Variants in HDAC9 observed in about 807,000 individuals in gnomAD.
The protein encoded by HDAC9 is MEF-2 interacting transcription repressor (MITR) protein.
A neutral mutation model predicts 139.4 loss-of-function variants in HDAC9; 41 were observed. That is an observed-to-expected ratio of 0.29 (90% CI 0.23 to 0.38). The LOEUF (loss-of-function observed/expected upper bound fraction) is 0.38. Ranked by LOEUF, HDAC9 falls within the 10% of genes least tolerant of loss-of-function variation. The probability of loss-of-function intolerance (pLI) is 1.00; values close to 1 mark genes in which losing one functional copy is unlikely to be tolerated. For synonymous variants in HDAC9, 517 were observed against 476.2 expected (o/e 1.09, Z -1.12); for missense variants, 1,147 against 1,297.0 (o/e 0.88, Z 1.78).
Position 18,938,850 on chromosome 7 carries a change from CAGAA to C in HDAC9, c.2937+2913_2937+2916del, listed in dbSNP as rs577992737. 2.0e-3 allele frequency among the ~76,000 whole-genome samples: 300 copies of C among 152,288 alleles called. 2 individuals carry two copies. The highest frequency in any genetic ancestry group is 7.0e-3 in the African/African-American group (292 of 41,558). On this transcript the variant is annotated intron_variant, in intron 23 of 25. Coordinates refer to ENST00000686413, the MANE Select transcript of HDAC9 (RefSeq NM_178425.4). ...GGGAATTTAATTGGAGACCAGAACGCAGAAAGAATGACAATGATGTCACCTGATT... is the reference window on the plus strand; with the variant it reads ...GGGAATTTAATTGGAGACCAGAACGCAGAATGACAATGATGTCACCTGATT...
intron 1 of HDAC9, among the ~76,000 whole-genome samples, chr7:18,093,296 T>C (rs1183472071): frequency 6.6e-6 from 1 of 152,196 alleles, no homozygotes; most frequent in African/African-American, 2.4e-5. Flanking sequence ...AATCCAGGTC[T>C]GATTCCAGAG....
chr7:18,472,236 A>G lies in HDAC9; in HGVS notation c.-41-24026A>G, dbSNP rs150062825. 4.0e-3 allele frequency among the ~76,000 whole-genome samples: 602 copies of G among 152,318 alleles called. 1 individual carries two copies. The highest frequency in any genetic ancestry group is 0.013 in the African/African-American group (559 of 41,566). ...GATTGTTAATTCCAGATTTAAAATC[A>G]AATTCCATGCTAAGAAATGACACAG... On this transcript the variant is annotated intron_variant, in intron 1 of 3. Coordinates refer to the HDAC9 transcript ENST00000413509.
chr7:18,725,929 C>T (rs1354169660), intron 12 of HDAC9, among the ~76,000 whole-genome samples: 3 of 152,104 alleles, frequency 2.0e-5, no homozygotes, highest in Admixed American at 6.6e-5. Context: ...ATCATCGAAG[C>T]GAATGCCCAA....
At chr7:18,957,219 T>G (rs1783214619) in intron 24 of HDAC9, among the ~76,000 whole-genome samples, 1 of 152,116 alleles carries the variant, frequency 6.6e-6, no homozygotes, top group Non-Finnish European at 1.5e-5. Flanking sequence ...GCACTGTGGC[T>G]TTGACCACCG....
In HDAC9 at chr7:18,346,118, C is replaced by A. The variant is rs896599631; in HGVS notation, c.-42+55603C>A. 2.6e-5 allele frequency among the ~76,000 whole-genome samples: 4 copies of A among 152,186 alleles called. No homozygotes were observed. In the East Asian group the frequency reaches 7.7e-4, roughly 29 times the overall value. ...AAATGTAATTGGTTTAATTACAGAT[C>A]ATTTTGCTAAAGAAAAGTTATGTTA... On this transcript the variant is annotated intron_variant, in intron 1 of 3. Transcript: ENST00000413509.
intron 25 of HDAC9, among the ~76,000 whole-genome samples, chr7:18,989,601 G>A (rs1466428718): frequency 6.0e-5 from 9 of 151,132 alleles, no homozygotes; most frequent in Non-Finnish European, 1.3e-4. Context: ...ATGTTGGCCT[G>A]CCTTGCTAGA....
intron 21 of HDAC9, among the ~76,000 whole-genome samples, chr7:18,870,747 C>T (rs1475768940): frequency 6.6e-6 from 1 of 152,170 alleles, no homozygotes; most frequent in Non-Finnish European, 1.5e-5. Flanking sequence ...GATCATAACT[C>T]ATTGCAGCCT....
intron 1 of HDAC9, among the ~76,000 whole-genome samples, chr7:18,326,894 GGTTAT>G (rs993429088): frequency 6.6e-6 from 1 of 151,828 alleles, no homozygotes; most frequent in Non-Finnish European, 1.5e-5. Flanking sequence ...AAGTCCTGAA[GGTTAT>G]TCAGGTAAAC....
chr7:18,713,259 G>T (rs967486705), intron 12 of HDAC9, among the ~76,000 whole-genome samples: 6 of 152,236 alleles, frequency 3.9e-5, no homozygotes, highest in East Asian at 3.9e-4. Context: ...CATACCTTTG[G>T]TTGCTATAGG....
intron 17 of HDAC9, among the ~76,000 whole-genome samples, chr7:18,825,656 A>G (rs66821946): frequency 0.6 from 90,680 of 150,730 alleles, 28,709 homozygotes; most frequent in South Asian, 0.76. Context: ...AAGAAGAAAA[A>G]CGTGGGAGCT....
At chr7:18,107,557 C>A (rs1037052093) in intron 1 of HDAC9, among the ~76,000 whole-genome samples, 2 of 152,016 alleles carry the variant, frequency 1.3e-5, no homozygotes, top group African/African-American at 4.8e-5. Context: ...CAGACACCTC[C>A]TTTAAAAAGC....
upstream of HDAC9, chr7:18,290,156 C>G (rs1439925150): frequency 5.3e-6 from 1 of 188,942 alleles, no homozygotes; most frequent in Non-Finnish European, 1.1e-5. Context: ...CCTCCTCATT[C>G]TGTTGAATTG....
In HDAC9 at chr7:18,737,331, C is replaced by T. The variant is rs185595788; in HGVS notation, c.1909+9574C>T. On this transcript the variant is annotated intron_variant, in intron 13 of 25. Coordinates refer to ENST00000686413, the MANE Select transcript of HDAC9 (RefSeq NM_178425.4). The stretch of plus-strand genomic sequence containing the variant: ...GTTCGTTTAACTGTGATATTAGGGT[C>T]TTGATTTTAGATCTTTCCTGCTTTC... Among the ~76,000 whole-genome samples the T allele has an allele frequency of 1.2e-3, 176 of 152,096 alleles. 1 individual carries two copies. The highest frequency in any genetic ancestry group is 4.0e-3 in the African/African-American group (166 of 41,514).
Position 18,725,049 on chromosome 7 carries a change from C to A in HDAC9, c.1732-2531C>A, listed in dbSNP as rs892903229. ...TCATAGCCACACATAGAGGGGTGAT[C>A]TAGAAAGGATGGCTTGGAAGAAGCA... is the stretch of plus-strand genomic sequence containing the variant. On this transcript the variant is annotated intron_variant, in intron 12 of 25. Transcript: ENST00000686413. Among the ~76,000 whole-genome samples the A allele has an allele frequency of 2.0e-5, 3 of 152,068 alleles. No homozygotes were observed. The East Asian group carries it at 5.8e-4, about 29-fold the overall frequency.
intron 2 of HDAC9, among the ~76,000 whole-genome samples, chr7:18,198,798 C>T (rs1461493087): frequency 1.3e-5 from 2 of 152,078 alleles, no homozygotes; most frequent in African/African-American, 2.4e-5. Context: ...GACATAGAAA[C>T]TGTCAAACAG....
intron 1 of HDAC9, among the ~76,000 whole-genome samples, chr7:18,474,005 A>C (rs1033058945): frequency 6.6e-6 from 1 of 152,196 alleles, no homozygotes; most frequent in Non-Finnish European, 1.5e-5. Flanking sequence ...TGTACTTTTC[A>C]GCTTCTTATC....
intron 1 of HDAC9, among the ~76,000 whole-genome samples, chr7:18,417,232 A>G (rs1752959263): frequency 6.6e-6 from 1 of 152,036 alleles, no homozygotes; most frequent in Admixed American, 6.6e-5. Context: ...TCCATTGTAT[A>G]TTTTAATCTC....
At chr7:18,712,379 C>A (rs568721198) in intron 12 of HDAC9, among the ~76,000 whole-genome samples, 9 of 152,292 alleles carry the variant, frequency 5.9e-5, no homozygotes, top group African/African-American at 2.2e-4. Context: ...GCATGATAAA[C>A]AAACAGCAGT....
At position 18,974,929 on chromosome 7, in the gene HDAC9, A is replaced by C. The variant is rs567556406; in HGVS notation, c.3023-877A>C. ...AGGCTTTTTCTTCCAAGAAGTAAGC[A>C]AACACTGCATACCAAAGTTCTTGCC... On this transcript the variant is annotated intron_variant, in intron 24 of 25. Coordinates refer to ENST00000686413, the MANE Select transcript of HDAC9 (RefSeq NM_178425.4). 4.6e-5 allele frequency among the ~76,000 whole-genome samples: 7 copies of C among 152,312 alleles called. No homozygotes were observed. The South Asian group carries it at 1.5e-3, about 32-fold the overall frequency.
Sources: gnomAD v4.1 joint callset for allele counts (sites outside exome capture counted in the v4.1 genomes callset) on GRCh38, gnomAD v4.1.1 for gene constraint, MANE v1.5 for transcripts, NCBI Gene and HGNC (gene_info 2026-07-23, HGNC 2026-07-21) for gene names.